Variants in BBS9 observed in about 807,000 individuals in gnomAD.
BBS9 encodes the protein protein PTHB1.
A neutral mutation model predicts 117.7 loss-of-function variants in BBS9; 89 were observed. That is an observed-to-expected ratio of 0.76 (90% CI 0.64 to 0.90). The LOEUF is 0.90. Among genes scored for constraint, BBS9 ranks in the 40% least tolerant of loss-of-function variants. The probability of loss-of-function intolerance (pLI) is 0.00; values close to 1 mark genes in which losing one functional copy is unlikely to be tolerated. For missense variants in BBS9, 982 were observed against 1,042.2 expected (o/e 0.94, Z 0.80); for synonymous variants, 379 against 370.9 (o/e 1.02, Z -0.25).
intron 21 of BBS9, among the ~76,000 whole-genome samples, chr7:33,601,055 A>G (rs545276329): frequency 6.6e-6 from 1 of 152,340 alleles, no homozygotes; most frequent in East Asian, 1.9e-4. Flanking sequence ...GAGGGCCAGT[A>G]GAAGAAAAGC....
At chr7:33,633,547 T>G (rs1865998550) in intron 21 of BBS9, among the ~76,000 whole-genome samples, 1 of 150,640 alleles carries the variant, frequency 6.6e-6, no homozygotes, top group South Asian at 2.1e-4. Flanking sequence ...TGAAAATCCT[T>G]GGGTTAGTGA....
intron 19 of BBS9, among the ~76,000 whole-genome samples, chr7:33,442,093 T>C (rs1836289572): frequency 6.6e-6 from 1 of 152,110 alleles, no homozygotes; most frequent in Non-Finnish European, 1.5e-5. Flanking sequence ...GGTTTCACCA[T>C]GTTGGGCAGG....
At chr7:33,482,975 C>CTA (rs1202302398) in intron 19 of BBS9, among the ~76,000 whole-genome samples, 1 of 152,056 alleles carries the variant, frequency 6.6e-6, no homozygotes, top group Non-Finnish European at 1.5e-5. Flanking sequence ...TTAGTTATGT[C>CTA]TATTTTAAGA....
At chr7:33,147,617 G>T (rs1792629248) in intron 2 of BBS9, among the ~76,000 whole-genome samples, 1 of 152,150 alleles carries the variant, frequency 6.6e-6, no homozygotes, top group Non-Finnish European at 1.5e-5. Context: ...CAGTTATTTG[G>T]CCATGTAAGA....
In BBS9 at chr7:33,193,421, C is replaced by CGTTTTTTTT. The variant is rs1562773513; in HGVS notation, c.442+15830_442+15831insGTTTTTTTT. ...TTGTCTTCCCCTGTCCCTCTCTCTG[C>CGTTTTTTTT]CTTTTTTTTTTTTTTTTTTTGTAGT... On this transcript the variant is annotated intron_variant, in intron 5 of 22. Coordinates refer to ENST00000242067, the MANE Select transcript of BBS9 (RefSeq NM_198428.3). Among the ~76,000 whole-genome samples the CGTTTTTTTT allele has an allele frequency of 4.4e-5, 3 of 67,792 alleles. 1 individual carries two copies. Among genetic ancestry groups the CGTTTTTTTT allele is most frequent in the Non-Finnish European group, 6.6e-5 (2 of 30,422 alleles). The allele number at this position is 67,792 out of a possible 152,430, so 44.5% of individuals were successfully genotyped here.
chr7:33,534,897 C>T (rs1053845121), intron 21 of BBS9, among the ~76,000 whole-genome samples: 4 of 152,212 alleles, frequency 2.6e-5, no homozygotes, highest in Admixed American at 2.0e-4. Flanking sequence ...ATTGATGCAG[C>T]AGCTATAGCA....
chr7:33,601,641 G>C (rs1235693167), intron 21 of BBS9, among the ~76,000 whole-genome samples: 1 of 152,112 alleles, frequency 6.6e-6, no homozygotes, highest in Non-Finnish European at 1.5e-5. Flanking sequence ...GGTGATTCCT[G>C]TTCGGCTGGT....
chr7:33,365,459 C>G (rs999642236), intron 16 of BBS9, among the ~76,000 whole-genome samples: 1 of 152,186 alleles, frequency 6.6e-6, no homozygotes, highest in African/African-American at 2.4e-5. Flanking sequence ...TTGCTGGTAT[C>G]CTCAGTTGCC....
At chr7:33,450,877 GTTT>G (rs1231078990) in intron 19 of BBS9, among the ~76,000 whole-genome samples, 12 of 126,866 alleles carry the variant, frequency 9.5e-5, no homozygotes, top group East Asian at 4.3e-4. Context: ...TTTTTTTTTT[GTTT>G]TTTTGTTTTT....
intron 5 of BBS9, among the ~76,000 whole-genome samples, chr7:33,207,249 G>A (rs1473033894): frequency 1.3e-5 from 2 of 152,088 alleles, no homozygotes; most frequent in African/African-American, 4.8e-5. Context: ...TAACCCATTA[G>A]CAATTCTTGC....
At chr7:33,143,001 G>T (rs189956750) in intron 1 of BBS9, among the ~76,000 whole-genome samples, 1 of 151,304 alleles carries the variant, frequency 6.6e-6, no homozygotes, top group African/African-American at 2.4e-5. Context: ...ATGGAGTCTC[G>T]CTCTGTCGCC....
At chr7:33,232,829 A>G (rs1792744860) in intron 5 of BBS9, among the ~76,000 whole-genome samples, 1 of 152,190 alleles carries the variant, frequency 6.6e-6, no homozygotes, top group South Asian at 2.1e-4. Flanking sequence ...TTTATAAACA[A>G]TAAAATCTAG....
chr7:33,367,873 C>A lies in BBS9; in HGVS notation c.1789+11C>A. ...CTTCCAAAACTTCTCGTAAGTAAAACCATGTTATCATTGCTTTTTAAATTT... is the reference window on the plus strand; with the variant it reads ...CTTCCAAAACTTCTCGTAAGTAAAAACATGTTATCATTGCTTTTTAAATTT... On this transcript the variant is annotated intron_variant, in intron 17 of 22. Transcript: ENST00000242067. The A allele has an allele frequency of 6.2e-7, 1 of 1,610,860 alleles. No homozygotes were observed. The highest frequency in any genetic ancestry group is 1.7e-5 in the Admixed American group (1 of 59,996).
At chr7:33,261,535 G>T (rs1797983873) in intron 6 of BBS9, among the ~76,000 whole-genome samples, 1 of 152,162 alleles carries the variant, frequency 6.6e-6, no homozygotes, top group Admixed American at 6.5e-5. Flanking sequence ...TCCATTTCTA[G>T]TAAAGTTCTC....
At position 33,163,290 on chromosome 7, in the gene BBS9, C is replaced by CT. The variant is rs202112587; in HGVS notation, c.328+7596dup. On this transcript the variant is annotated intron_variant, in intron 4 of 22. Transcript: ENST00000242067. ...CTCAGGGATATTGGTCTAAAATTCT[C>CT]TTTTTTTTGCTGTGTCTCTGCCAGC... Among the ~76,000 whole-genome samples the CT allele has an allele frequency of 5.5e-3, 829 of 151,844 alleles. 6 individuals carry two copies. The highest frequency in any genetic ancestry group is 0.01 in the Middle Eastern group (3 of 294).
At chr7:33,257,800 C>G (rs373708805) in intron 6 of BBS9, among the ~76,000 whole-genome samples, 1 of 151,856 alleles carries the variant, frequency 6.6e-6, no homozygotes, top group Non-Finnish European at 1.5e-5. Context: ...TAATTAAATA[C>G]GATGTTGAGT....
At chr7:33,451,487 T>C (rs1191037174) in intron 19 of BBS9, among the ~76,000 whole-genome samples, 3 of 152,050 alleles carry the variant, frequency 2.0e-5, no homozygotes, top group Non-Finnish European at 4.4e-5. Context: ...GGCACCCTTG[T>C]TGAAGATAAT....
chr7:33,227,363 G>A (rs2128249080), intron 5 of BBS9, among the ~76,000 whole-genome samples: 1 of 152,166 alleles, frequency 6.6e-6, no homozygotes, highest in Admixed American at 6.5e-5. Flanking sequence ...GGCCAGGCTA[G>A]TCTCAAACTC....
At chr7:33,303,848 G>A (rs569041402) in intron 9 of BBS9, among the ~76,000 whole-genome samples, 4 of 152,232 alleles carry the variant, frequency 2.6e-5, no homozygotes, top group Admixed American at 6.5e-5. Flanking sequence ...GCGTGATCTC[G>A]GCTCGCTACA....
Sources: gnomAD v4.1 joint callset for allele counts (sites outside exome capture counted in the v4.1 genomes callset) on GRCh38, gnomAD v4.1.1 for gene constraint, MANE v1.5 for transcripts, NCBI Gene and HGNC (gene_info 2026-07-23, HGNC 2026-07-21) for gene names.